The following CCDC9 variants were observed in gnomAD, a reference collection of about 807,000 sequenced individuals.
CCDC9 encodes the protein coiled-coil domain-containing protein 9.
A neutral mutation model predicts 65.6 loss-of-function variants in CCDC9; 52 were observed. The ratio of observed to expected loss-of-function variants is 0.79; its 90% CI spans 0.63 to 1.00. CCDC9 has a LOEUF of 1.00. Ranked by LOEUF, CCDC9 falls within the 50% of genes least tolerant of loss-of-function variation. The pLI is 0.00. For synonymous variants in CCDC9, 332 were observed against 280.3 expected, an observed-to-expected ratio of 1.18 and a Z score of -1.84; for missense variants, 834 against 757.2, an observed-to-expected ratio of 1.10 and a Z score of -1.19.
chr19:47,275,385 G>A (rs1392560088), downstream of CCDC9: 3 of 1,526,336 alleles, frequency 2.0e-6, no homozygotes, highest in Non-Finnish European at 2.6e-6. Context: ...GCCAGCCCTC[G>A]AGAGCTCTGT....
chr19:47,258,760 A>T (rs1424236685), intron 3 of CCDC9, 97 bp downstream of exon 3: 1 of 874,060 alleles, frequency 1.1e-6, no homozygotes. Flanking sequence ...ATGGCTCCCC[A>T]TCACTGTCAG....
chr19:47,260,090 C>T (rs1388589825), intron 3 of CCDC9, among the ~76,000 whole-genome samples: 1 of 152,108 alleles, frequency 6.6e-6, no homozygotes, highest in Non-Finnish European at 1.5e-5. Flanking sequence ...AAGGCCAGAC[C>T]CCACGGGTCC....
At chr19:47,270,015 C>A (rs1476915365) in intron 8 of CCDC9, among the ~76,000 whole-genome samples, 1 of 151,734 alleles carries the variant, frequency 6.6e-6, no homozygotes, top group East Asian at 1.9e-4. Context: ...GTCACCCAGG[C>A]TCGAGTACAG....
At chr19:47,261,475 G>A (rs1195059239) in intron 5 of CCDC9, among the ~76,000 whole-genome samples, 1 of 152,086 alleles carries the variant, frequency 6.6e-6, no homozygotes, top group Non-Finnish European at 1.5e-5. Context: ...GTTGAATCTG[G>A]TTCTGTGAGC....
In CCDC9 at chr19:47,256,591, C is replaced by T. The variant is rs902168587; in HGVS notation, c.-90C>T. 1 of 133,504 alleles carries T rather than the reference C, an allele frequency of 7.5e-6. No individual in the cohort carries two copies. The highest frequency in any genetic ancestry group is 2.7e-5 in the African/African-American group (1 of 37,080). 8.3% of individuals were successfully genotyped at this position (133,504 alleles called of 1,614,324 possible). On this transcript the variant is annotated 5_prime_UTR_variant, in exon 1 of 12. Transcript: ENST00000221922. ...CCGACGGAGCCGGAGTCGCGGACGC[C>T]GCGGGGTCTCCGGGACAGGTGACCT...
Position 47,271,685 on chromosome 19 carries a change from CTG to C in CCDC9, c.*8_*9del. On this transcript the variant is annotated 3_prime_UTR_variant, in exon 12 of 12. Transcript: ENST00000221922. Reference sequence around the variant, plus strand: ...GCCTTTTGAGAGTGTATGAAGCTGGCTGCCTGTGTGTGTGTGTGTGTGTGTGT... The same window carrying C: ...GCCTTTTGAGAGTGTATGAAGCTGGCCCTGTGTGTGTGTGTGTGTGTGTGT... 6.7e-7 allele frequency: 1 copy of C among 1,484,744 alleles called. No individual in the cohort carries two copies. The highest frequency in any genetic ancestry group is 9.1e-7 in the Non-Finnish European group (1 of 1,100,904). 92.0% of individuals were successfully genotyped at this position (1,484,744 alleles called of 1,614,324 possible). A position where few individuals can be genotyped will look rare whatever the true frequency, so the allele number is the denominator to read the frequency against.
chr19:47,270,574 C>T lies in CCDC9; in HGVS notation c.971C>T (p.Pro324Leu), dbSNP rs1279757649. 1 of 1,613,844 alleles carries T rather than the reference C, an allele frequency of 6.2e-7. No homozygotes were observed. The change falls in exon 10 of 12, where the codon CCC (proline) becomes CTC (leucine). Residue 324 changes from proline to leucine, a missense_variant. By Grantham distance (98) the Pro-to-Leu change is moderately conservative. Transcript: ENST00000221922. ...GCAGATGACCAGGCCTGGGCCCGGC[C>T]CCCGAAGCCCCCTACTTTTGGGGAG... ...HRYDDQAWAR[P>L]PKPPTFGEFL...
At chr19:47,273,566 A>G, downstream of CCDC9, 1 of 426,526 alleles carries the variant, frequency 2.3e-6, no homozygotes, top group East Asian at 3.6e-5. Context: ...GGTTAAATCT[A>G]AGGGGGGAGG....
chr19:47,275,660 C>T (rs1600299692), downstream of CCDC9: 1 of 424,218 alleles, frequency 2.4e-6, no homozygotes, highest in Non-Finnish European at 4.4e-6. Flanking sequence ...TCCCTGAATC[C>T]GTGTCCATCT....
Position 47,261,848 on chromosome 19 carries a change from C to T in CCDC9, c.462+1009C>T, listed in dbSNP as rs1568637002. Among the ~76,000 whole-genome samples, 3 of 151,604 alleles carry T rather than the reference C, an allele frequency of 2.0e-5. 1 individual carries two copies. The South Asian group carries it at 6.2e-4, about 31-fold the overall frequency. On this transcript the variant is annotated intron_variant, in intron 5 of 11. Coordinates refer to ENST00000221922, the MANE Select transcript of CCDC9 (RefSeq NM_015603.3). ...CCAGCCTGGCCAACATGGCGAAACC[C>T]CATCTCTACTAAAAGTACAAAAATT...
chr19:47,273,844 C>A (rs528852945), downstream of CCDC9: 4 of 369,128 alleles, frequency 1.1e-5, no homozygotes, highest in South Asian at 3.4e-4. Context: ...CACCCTTGAA[C>A]TGTGTTTCTG....
chr19:47,268,182 C>T (rs2059094816), intron 8 of CCDC9, among the ~76,000 whole-genome samples: 1 of 152,106 alleles, frequency 6.6e-6, no homozygotes, highest in Non-Finnish European at 1.5e-5. Context: ...TTGTTAACCT[C>T]AAGTTTGACT....
rs775510965 is a variant in CCDC9, at chr19:47,271,521, C to T, written c.1439C>T (p.Pro480Leu). The T allele has an allele frequency of 6.2e-7, 1 of 1,613,010 alleles. No individual in the cohort carries two copies. The highest frequency in any genetic ancestry group is 1.1e-5 in the South Asian group (1 of 91,048). Residue 480 changes from proline (P) to leucine (L), a missense_variant, in exon 12 of 12, where the codon CCC becomes CTC. Coordinates refer to ENST00000221922, the MANE Select transcript of CCDC9 (RefSeq NM_015603.3). Reference sequence around the variant, plus strand: ...AGTCCGGAGGAGCCCCTGCTGGAGCCCCAGGCCCCTGGCACGCCTTCCAGC... The same window carrying T: ...AGTCCGGAGGAGCCCCTGCTGGAGCTCCAGGCCCCTGGCACGCCTTCCAGC... Reference protein sequence around the residue: ...PFSPEEPLLEPQAPGTPSSPF... With the variant: ...PFSPEEPLLELQAPGTPSSPF...
Position 47,271,387 on chromosome 19 carries a change from G to C in CCDC9, c.1305G>C (p.Glu435Asp). The change falls in exon 12 of 12, where the codon GAG becomes GAC. Residue 435 changes from glutamate to aspartate, a missense_variant. By Grantham distance (45) the Glu-to-Asp change is conservative (BLOSUM62 2). Coordinates refer to ENST00000221922, the MANE Select transcript of CCDC9 (RefSeq NM_015603.3). The stretch of plus-strand genomic sequence containing the variant: ...TAAGTGAGGATGAGGAAGAGGAGGA[G>C]ATCGAGGTGGAAGAAGGTGATGAGG... ...EDISEDEEEE[E>D]IEVEEGDEEE... is the part of the protein sequence containing the mutation. 1.2e-6 allele frequency: 2 copies of C among 1,612,798 alleles called. No homozygotes were observed. The highest frequency in any genetic ancestry group is 1.7e-6 in the Non-Finnish European group (2 of 1,179,440).
chr19:47,260,810 GAC>G lies in CCDC9; in HGVS notation c.436_437del (p.Thr146LeufsTer4). ...TTCACCTCACCTCTCTGGAGCTGGAGACACCTCAATCTCTGACCGTAAATCCA... is the reference window on the plus strand; with the variant it reads ...TTCACCTCACCTCTCTGGAGCTGGAGACCTCAATCTCTGACCGTAAATCCA... ...RGSPHLSGAG[D>X]TSISDRKSKE... is the part of the protein sequence containing the mutation. On this transcript the variant is annotated frameshift_variant, in exon 5 of 12. Coordinates refer to ENST00000221922, the MANE Select transcript of CCDC9 (RefSeq NM_015603.3). LOFTEE classifies it high-confidence loss of function. The G allele has an allele frequency of 6.2e-7, 1 of 1,613,356 alleles. No individual in the cohort carries two copies. The highest frequency in any genetic ancestry group is 8.5e-7 in the Non-Finnish European group (1 of 1,179,674).
At position 47,270,633 on chromosome 19, in the gene CCDC9, C is replaced by A. The variant is rs754391036; in HGVS notation, c.1030C>A (p.Arg344Ser). The change falls in exon 10 of 12, where the codon CGC (arginine) becomes AGC (serine). Residue 344 changes from arginine to serine, a missense_variant. Coordinates refer to ENST00000221922, the MANE Select transcript of CCDC9 (RefSeq NM_015603.3). Reference protein sequence around the residue: ...LSQHKAEASSRRRRKSSRPQA... With the variant: ...LSQHKAEASSSRRRKSSRPQA... ...CCAGCACAAAGCTGAGGCCAGCAGC[C>A]GCAGAAGGAGAAAGAGCAGTCGGCC... 5.6e-6 allele frequency: 9 copies of A among 1,612,812 alleles called. No homozygotes were observed. Among genetic ancestry groups the A allele is most frequent in the Non-Finnish European group, 7.6e-6 (9 of 1,180,040 alleles).
rs1481431535 is a variant in CCDC9 at position 47,261,156 on chromosome 19, C to T, written c.462+317C>T. 5.9e-5 allele frequency among the ~76,000 whole-genome samples: 9 copies of T among 152,004 alleles called. No homozygotes were observed. The South Asian group carries it at 1.0e-3, about 17-fold the overall frequency. On this transcript the variant is annotated intron_variant, in intron 5 of 11. Coordinates refer to ENST00000221922, the MANE Select transcript of CCDC9 (RefSeq NM_015603.3). ...CCCTCCCCTCTCCTGCTTAGTGCTG[C>T]GTGTCCCTCCCTGTCCCTCTCTGTC...
intron 7 of CCDC9, 27 bp downstream of exon 7, chr19:47,264,973 G>A (rs200381759): frequency 4.3e-5 from 62 of 1,428,920 alleles, no homozygotes; most frequent in African/African-American, 1.0e-4. Context: ...AGGACACCTC[G>A]GGGCTCTCAG....
chr19:47,262,072 C>G (rs1383048875), intron 5 of CCDC9, among the ~76,000 whole-genome samples: 3 of 151,900 alleles, frequency 2.0e-5, no homozygotes, highest in African/African-American at 7.2e-5. Flanking sequence ...GCTGCTGTCA[C>G]ACAAAGACTC....
Sources: allele counts gnomAD v4.1 joint callset (sites outside exome capture counted in the v4.1 genomes callset), GRCh38; gene constraint gnomAD v4.1.1; transcripts MANE v1.5; gene names NCBI Gene and HGNC (gene_info 2026-07-23, HGNC 2026-07-21).